The following EEF2K variants were observed in gnomAD, a reference collection of about 807,000 sequenced individuals.
EEF2K encodes the protein eukaryotic elongation factor 2 kinase.
EEF2K carries 70 observed loss-of-function variants against 93.8 expected under a neutral mutation model. That is an observed-to-expected ratio of 0.75 (90% CI 0.62 to 0.91). The LOEUF (loss-of-function observed/expected upper bound fraction) is 0.91. Among genes scored for constraint, EEF2K ranks in the 40% least tolerant of loss-of-function variants. The probability of loss-of-function intolerance (pLI) is 0.00; values close to 1 mark genes in which losing one functional copy is unlikely to be tolerated. For missense variants in EEF2K, 935 were observed against 972.9 expected (o/e 0.96, Z 0.52); for synonymous variants, 376 against 380.8 (o/e 0.99, Z 0.15).
intron 6 of EEF2K, among the ~76,000 whole-genome samples, 181 bp downstream of exon 6, chr16:22,251,503 C>T (rs2047352115): frequency 6.6e-6 from 1 of 152,010 alleles, no homozygotes; most frequent in African/African-American, 2.4e-5. Context: ...TCACTGCAAC[C>T]TCCATCTCCC....
intron 2 of EEF2K, among the ~76,000 whole-genome samples, chr16:22,228,823 C>T (rs1331843629): frequency 2.0e-5 from 3 of 152,136 alleles, no homozygotes; most frequent in African/African-American, 4.8e-5. Context: ...TGGAGGCAGG[C>T]AATAAGCTTG....
chr16:22,226,043 C>T (rs2047060520), intron 2 of EEF2K, 68 bp downstream of exon 2: 2 of 1,579,160 alleles, frequency 1.3e-6, no homozygotes, highest in Admixed American at 1.7e-5. Flanking sequence ...GGGTTGGAGT[C>T]GCTGGTTGGG....
At chr16:22,249,459 G>T (rs73537894) in intron 4 of EEF2K, among the ~76,000 whole-genome samples, 1 of 151,948 alleles carries the variant, frequency 6.6e-6, no homozygotes, top group Non-Finnish European at 1.5e-5. Context: ...CCTTAACATC[G>T]GCCCGTATCA....
chr16:22,229,297 G>C (rs1471039631), intron 2 of EEF2K, among the ~76,000 whole-genome samples: 3 of 152,152 alleles, frequency 2.0e-5, no homozygotes, highest in Admixed American at 2.0e-4. Flanking sequence ...CCTTCATGTT[G>C]GTTATCGTAA....
rs144666502 is a variant in EEF2K, at chr16:22,211,372, C to T, written c.-77+4693C>T. ...CTCCATGAGCCAGTCTTTCCCACTA[C>T]GACCTCAGCCATGTCATTGGACTAA... On this transcript the variant is annotated intron_variant, in intron 1 of 17. Transcript: ENST00000263026. 1.3e-3 allele frequency among the ~76,000 whole-genome samples: 198 copies of T among 152,270 alleles called. 1 individual carries two copies. The highest frequency in any genetic ancestry group is 2.7e-3 in the Admixed American group (41 of 15,290).
At chr16:22,276,386 A>G (rs749381361) in intron 16 of EEF2K, among the ~76,000 whole-genome samples, 1 of 152,146 alleles carries the variant, frequency 6.6e-6, no homozygotes, top group Non-Finnish European at 1.5e-5. Flanking sequence ...AAAATCTATC[A>G]AAAGTATTTC....
chr16:22,231,152 A>C (rs958688341), intron 2 of EEF2K, among the ~76,000 whole-genome samples: 3 of 151,826 alleles, frequency 2.0e-5, no homozygotes, highest in Non-Finnish European at 4.4e-5. Flanking sequence ...GCAGTGGTGC[A>C]ATCTCGGCTC....
rs529408900 is a variant in EEF2K at position 22,260,042 on chromosome 16, C to T, written c.1232-420C>T. Among the ~76,000 whole-genome samples the T allele has an allele frequency of 3.3e-5, 5 of 152,268 alleles. No homozygotes were observed. The South Asian group carries it at 6.2e-4, about 19-fold the overall frequency. ...TTCTGGGATTACAGGCATAAGACACCGTGCCCAGCTGAAGATGGTTTTGAA... is the reference window on the plus strand; with the variant it reads ...TTCTGGGATTACAGGCATAAGACACTGTGCCCAGCTGAAGATGGTTTTGAA... On this transcript the variant is annotated intron_variant, in intron 10 of 17. Coordinates refer to ENST00000263026, the MANE Select transcript of EEF2K (RefSeq NM_013302.5).
At chr16:22,212,156 C>T (rs1004322886) in intron 1 of EEF2K, among the ~76,000 whole-genome samples, 2 of 152,160 alleles carry the variant, frequency 1.3e-5, no homozygotes, top group African/African-American at 4.8e-5. Flanking sequence ...ATGCATTTTT[C>T]AGATTCCTGA....
At chr16:22,220,006 T>G (rs915216623) in intron 1 of EEF2K, among the ~76,000 whole-genome samples, 24 of 152,222 alleles carry the variant, frequency 1.6e-4, no homozygotes, top group African/African-American at 5.5e-4. Context: ...TATATCCCAT[T>G]GACTAAAACT....
Position 22,266,675 on chromosome 16 carries a change from G to C in EEF2K, c.1576-13G>C, listed in dbSNP as rs747165681. The C allele has an allele frequency of 6.2e-7, 1 of 1,603,064 alleles. No individual in the cohort carries two copies. The highest frequency in any genetic ancestry group is 8.5e-7 in the Non-Finnish European group (1 of 1,173,760). ...GCCAGACAGCCAGGCCGACACCGTA[G>C]TCTGTGTGGCAGGTCCATCTGGCCA... On this transcript the variant is annotated splice_polypyrimidine_tract_variant and intron_variant, in intron 14 of 17. Coordinates refer to ENST00000263026, the MANE Select transcript of EEF2K (RefSeq NM_013302.5).
At chr16:22,206,743 G>C (rs747248681) in intron 1 of EEF2K, 64 bp downstream of exon 1, 1 of 152,690 alleles carries the variant, frequency 6.5e-6, no homozygotes, top group Admixed American at 6.5e-5. Context: ...AGGCCTGTGC[G>C]CCCGGGTGCA....
At chr16:22,225,052 G>A (rs1316830021) in intron 1 of EEF2K, among the ~76,000 whole-genome samples, 1 of 152,128 alleles carries the variant, frequency 6.6e-6, no homozygotes, top group Non-Finnish European at 1.5e-5. Context: ...TTTGATTTGG[G>A]GATTCACAGA....
intron 2 of EEF2K, among the ~76,000 whole-genome samples, chr16:22,234,488 C>T (rs979964810): frequency 2.0e-5 from 3 of 150,708 alleles, no homozygotes; most frequent in East Asian, 1.9e-4. Context: ...ACCCGGGAGG[C>T]GGAGGTTGCA....
intron 16 of EEF2K, among the ~76,000 whole-genome samples, chr16:22,275,669 C>T (rs1040558688): frequency 2.0e-4 from 30 of 150,900 alleles, no homozygotes; most frequent in African/African-American, 7.3e-4. Context: ...GAGACAGAGT[C>T]TTTCTCTGTA....
intron 8 of EEF2K, 76 bp downstream of exon 8, chr16:22,257,461 A>G: frequency 4.4e-6 from 7 of 1,581,334 alleles, no homozygotes; most frequent in Non-Finnish European, 5.1e-6. Flanking sequence ...CGTACAGCCA[A>G]GGAAACAGGC....
chr16:22,251,925 C>A (rs1003806747), intron 6 of EEF2K, among the ~76,000 whole-genome samples: 3 of 152,070 alleles, frequency 2.0e-5, no homozygotes, highest in African/African-American at 7.2e-5. Flanking sequence ...TCCTGAGTAG[C>A]TGGGACTACA....
intron 16 of EEF2K, among the ~76,000 whole-genome samples, chr16:22,277,262 G>C (rs1001568747): frequency 6.6e-6 from 1 of 152,034 alleles, no homozygotes; most frequent in East Asian, 1.9e-4. Flanking sequence ...TCAGCCTCTC[G>C]AGTAGCTGGG....
At chr16:22,220,594 C>T (rs1233044541) in intron 1 of EEF2K, among the ~76,000 whole-genome samples, 2 of 152,200 alleles carry the variant, frequency 1.3e-5, no homozygotes. Flanking sequence ...CAGGCACACA[C>T]CACCACGCCC....
Sources: allele counts gnomAD v4.1 joint callset (sites outside exome capture counted in the v4.1 genomes callset), GRCh38; gene constraint gnomAD v4.1.1; transcripts MANE v1.5; gene names NCBI Gene and HGNC (gene_info 2026-07-23, HGNC 2026-07-21).